HAO1: variants seen among roughly 807,000 people sequenced by gnomAD.
The protein encoded by HAO1 is 2-Hydroxyacid oxidase 1.
In HAO1, 34 loss-of-function variants were observed where a neutral mutation model predicts 39.7. The observed-to-expected ratio is 0.86, with a 90% CI of 0.65 to 1.14. The LOEUF is 1.14. Among genes scored for constraint, HAO1 ranks in the 50% most tolerant of loss-of-function variants. The probability of loss-of-function intolerance (pLI) is 0.00; values close to 1 mark genes in which losing one functional copy is unlikely to be tolerated. For missense variants in HAO1, 479 were observed against 464.5 expected (o/e 1.03, Z -0.29); for synonymous variants, 172 against 173.2 (o/e 0.99, Z 0.05).
chr20:7,936,503 C>T (rs949680720), intron 1 of HAO1, among the ~76,000 whole-genome samples: 3 of 109,144 alleles, frequency 2.7e-5, no homozygotes, highest in African/African-American at 3.7e-5. Context: ...GGGCAGCAGC[C>T]GTGTGTGTGT....
At chr20:7,900,283 G>A (rs1316981132) in intron 4 of HAO1, among the ~76,000 whole-genome samples, 1 of 152,074 alleles carries the variant, frequency 6.6e-6, no homozygotes. Context: ...TCAACATCTA[G>A]GAAAGACCCT....
chr20:7,895,137 G>T lies in HAO1; in HGVS notation c.809C>A (p.Ala270Asp). The T allele has an allele frequency of 6.2e-7, 1 of 1,602,746 alleles. No homozygotes were observed. The highest frequency in any genetic ancestry group is 8.5e-7 in the Non-Finnish European group (1 of 1,169,794). The change falls in exon 5 of 8, where the codon GCC (alanine) becomes GAC (aspartate). Residue 270 changes from alanine (A) to aspartate (D), a missense_variant. Coordinates refer to ENST00000378789, the MANE Select transcript of HAO1 (RefSeq NM_017545.3). The part of the protein sequence containing the change: ...HGARQLDGVP[A>D]TIDVLPEIVE... ...TTAGCGTCTGCCAAAACTCACAGTGGCTGGCACCCCATCGAGTTGTCGAGC... is the reference window on the plus strand; with the variant it reads ...TTAGCGTCTGCCAAAACTCACAGTGTCTGGCACCCCATCGAGTTGTCGAGC...
At chr20:7,925,212 A>G (rs2050353717) in intron 2 of HAO1, among the ~76,000 whole-genome samples, 1 of 152,182 alleles carries the variant, frequency 6.6e-6, no homozygotes, top group South Asian at 2.1e-4. Context: ...TATGCTTGAA[A>G]TACTTAAAAG....
chr20:7,906,304 A>T lies in HAO1; in HGVS notation c.571T>A (p.Leu191Ile). The change falls in exon 4 of 8, where the codon TTA becomes ATA. Residue 191 changes from leucine (L) to isoleucine (I), a missense_variant. Physicochemically the swap from Leu to Ile is conservative, Grantham distance 5. Transcript: ENST00000378789. The part of the protein sequence containing the change: ...LRMKNFETST[L>I]SFSPEENFGD... Reference sequence around the variant, plus strand: ...AAATTTTCCTCAGGAGAAAATGATAAAGTACTGGTTTCAAAATTTTTCATC... The same window carrying T: ...AAATTTTCCTCAGGAGAAAATGATATAGTACTGGTTTCAAAATTTTTCATC... 6.2e-7 allele frequency: 1 copy of T among 1,609,760 alleles called. No homozygotes were observed. The highest frequency in any genetic ancestry group is 1.3e-5 in the African/African-American group (1 of 74,930).
At chr20:7,899,730 A>G (rs757666657) in intron 4 of HAO1, among the ~76,000 whole-genome samples, 1 of 152,138 alleles carries the variant, frequency 6.6e-6, no homozygotes, top group Non-Finnish European at 1.5e-5. Context: ...CAGTTTTACA[A>G]TTTATTTTAA....
intron 3 of HAO1, among the ~76,000 whole-genome samples, chr20:7,909,387 A>ATATATATG (rs2050266561): frequency 7.3e-6 from 1 of 136,660 alleles, no homozygotes; most frequent in African/African-American, 2.8e-5. Context: ...ATGTATATAT[A>ATATATATG]TATATATATA....
intron 2 of HAO1, among the ~76,000 whole-genome samples, chr20:7,930,750 C>T (rs1215695576): frequency 6.6e-6 from 1 of 152,148 alleles, no homozygotes; most frequent in East Asian, 1.9e-4. Flanking sequence ...TACTGCTGTA[C>T]ATCATTAGCT....
intron 4 of HAO1, among the ~76,000 whole-genome samples, chr20:7,905,458 G>T (rs569500927): frequency 6.6e-6 from 1 of 152,044 alleles, no homozygotes; most frequent in Non-Finnish European, 1.5e-5. Flanking sequence ...TTAAAAAAAA[G>T]TTTTTGGCAG....
intron 2 of HAO1, 38 bp from the exon 3 acceptor site, chr20:7,914,457 T>C (rs769274852): frequency 1.9e-6 from 3 of 1,603,732 alleles, no homozygotes; most frequent in Non-Finnish European, 2.6e-6. Flanking sequence ...GGGCCTGGCA[T>C]TGCTTACCCT....
intron 5 of HAO1, among the ~76,000 whole-genome samples, chr20:7,891,905 CTG>C (rs1405806398): frequency 6.6e-6 from 1 of 152,132 alleles, no homozygotes; most frequent in Non-Finnish European, 1.5e-5. Context: ...AGTCATGAAT[CTG>C]AGAAAAAGCT....
intron 2 of HAO1, among the ~76,000 whole-genome samples, chr20:7,926,057 T>TTG (rs773207494): frequency 6.0e-5 from 9 of 150,928 alleles, no homozygotes; most frequent in East Asian, 5.8e-4. Context: ...GGATGTGTGT[T>TTG]TGTGTGTGTG....
chr20:7,899,943 T>C (rs1402969232), intron 4 of HAO1, among the ~76,000 whole-genome samples: 1 of 152,172 alleles, frequency 6.6e-6, no homozygotes, highest in Non-Finnish European at 1.5e-5. Flanking sequence ...TTATTAATAT[T>C]TTATTTCCAT....
At chr20:7,904,892 G>A (rs148049767) in intron 4 of HAO1, among the ~76,000 whole-genome samples, 1 of 152,234 alleles carries the variant, frequency 6.6e-6, no homozygotes, top group East Asian at 1.9e-4. Context: ...TAGTAATCAT[G>A]GATAACAACA....
chr20:7,904,743 A>G (rs1419565635), intron 4 of HAO1, among the ~76,000 whole-genome samples: 1 of 152,168 alleles, frequency 6.6e-6, no homozygotes, highest in Non-Finnish European at 1.5e-5. Context: ...ATTTTAGCAC[A>G]CAGTAGTTAT....
intron 2 of HAO1, among the ~76,000 whole-genome samples, chr20:7,932,390 TTTC>T (rs759964406): frequency 6.3e-4 from 96 of 152,234 alleles, no homozygotes; most frequent in Non-Finnish European, 8.2e-4. Context: ...CTCTGCTTCC[TTTC>T]TTTATTTCCA....
intron 3 of HAO1, among the ~76,000 whole-genome samples, 181 bp from the exon 4 acceptor site, chr20:7,906,510 A>ACT (rs2050248999): frequency 6.6e-6 from 1 of 152,140 alleles, no homozygotes; most frequent in Non-Finnish European, 1.5e-5. Context: ...TAAATGTGAT[A>ACT]CTCTAGTGGT....
In HAO1 at chr20:7,914,427, A is replaced by G; in HGVS notation, c.290-8T>C. The G allele has an allele frequency of 5.6e-6, 9 of 1,612,084 alleles. No homozygotes were observed. The highest frequency in any genetic ancestry group is 7.6e-6 in the Non-Finnish European group (9 of 1,178,766). ...TTCCCAGGGACTGACAGGCTGAGAA[A>G]GAAAGGGGATGATCAAGATGGGCCT... On this transcript the variant is annotated splice_polypyrimidine_tract_variant and splice_region_variant and intron_variant, in intron 2 of 7. Coordinates refer to ENST00000378789, the MANE Select transcript of HAO1 (RefSeq NM_017545.3).
chr20:7,916,228 A>T (rs2050306494), intron 2 of HAO1, among the ~76,000 whole-genome samples: 1 of 152,196 alleles, frequency 6.6e-6, no homozygotes, highest in East Asian at 1.9e-4. Flanking sequence ...AACTGATATA[A>T]TGTTTATATG....
At chr20:7,896,648 C>A (rs74683908) in intron 4 of HAO1, among the ~76,000 whole-genome samples, 3,811 of 152,142 alleles carry the variant, frequency 0.025, 73 homozygotes, top group Non-Finnish European at 0.041. Context: ...AAGCTCTGAT[C>A]CCCAATGTGA....
Sources: gnomAD v4.1 joint callset for allele counts (sites outside exome capture counted in the v4.1 genomes callset) on GRCh38, gnomAD v4.1.1 for gene constraint, MANE v1.5 for transcripts, NCBI Gene and HGNC (gene_info 2026-07-23, HGNC 2026-07-21) for gene names.